TMEM108: variants seen among roughly 807,000 people sequenced by gnomAD.
TMEM108 encodes the protein cancer/testis antigen 124.
TMEM108 carries 12 observed loss-of-function variants against 35.1 expected under a neutral mutation model. That is an observed-to-expected ratio of 0.34 (90% confidence interval 0.22 to 0.55). The LOEUF is 0.55. Ranked by LOEUF, TMEM108 falls within the 20% of genes least tolerant of loss-of-function variation. The pLI is 0.89. For synonymous variants in TMEM108, 287 were observed against 308.6 expected, an observed-to-expected ratio of 0.93 and a Z score of 0.73; for missense variants, 680 against 753.3, an observed-to-expected ratio of 0.90 and a Z score of 1.14.
chr3:133,292,287 G>A (rs1947081274), intron 3 of TMEM108, among the ~76,000 whole-genome samples: 2 of 152,212 alleles, frequency 1.3e-5, no homozygotes, highest in South Asian at 4.1e-4. Context: ...GACAGAAGTT[G>A]TTTTATAAAT....
intron 3 of TMEM108, among the ~76,000 whole-genome samples, chr3:133,293,272 A>T (rs1947098351): frequency 6.6e-6 from 1 of 151,884 alleles, no homozygotes; most frequent in Non-Finnish European, 1.5e-5. Flanking sequence ...TTGAATTCTC[A>T]TCAAATTTAG....
intron 3 of TMEM108, among the ~76,000 whole-genome samples, chr3:133,344,592 G>T (rs1264918227): frequency 6.6e-6 from 1 of 151,548 alleles, no homozygotes; most frequent in Non-Finnish European, 1.5e-5. Context: ...ATTTAAAGAA[G>T]ATATGAAGAG....
At chr3:133,062,161 C>A (rs1446137077) in intron 2 of TMEM108, among the ~76,000 whole-genome samples, 1 of 152,176 alleles carries the variant, frequency 6.6e-6, no homozygotes, top group East Asian at 1.9e-4. Context: ...AATGCTTAGT[C>A]ATTCCTTCAT....
chr3:133,351,249 C>T (rs2107770107), intron 3 of TMEM108, among the ~76,000 whole-genome samples: 1 of 152,270 alleles, frequency 6.6e-6, no homozygotes, highest in East Asian at 1.9e-4. Context: ...TCCTGTGAGA[C>T]CTCAAATTTA....
chr3:133,204,968 T>C (rs1945729999), intron 2 of TMEM108, among the ~76,000 whole-genome samples: 2 of 152,240 alleles, frequency 1.3e-5, no homozygotes, highest in Admixed American at 6.5e-5. Flanking sequence ...GAACTTACTT[T>C]ATGAATCTGG....
intron 2 of TMEM108, among the ~76,000 whole-genome samples, chr3:133,099,147 T>A (rs1010662395): frequency 2.0e-5 from 3 of 152,348 alleles, no homozygotes; most frequent in Admixed American, 6.5e-5. Flanking sequence ...CCTTAATTCT[T>A]GACTTCAGTG....
chr3:133,389,363 T>C (rs892027418), intron 4 of TMEM108: 43 of 985,494 alleles, frequency 4.4e-5, no homozygotes, highest in Non-Finnish European at 5.2e-5. Flanking sequence ...TTTGCATCAA[T>C]CTAAGGCAGG....
intron 3 of TMEM108, among the ~76,000 whole-genome samples, chr3:133,372,940 G>C (rs1411500728): frequency 6.6e-6 from 1 of 152,204 alleles, no homozygotes; most frequent in African/African-American, 2.4e-5. Flanking sequence ...CCTGAAGTCA[G>C]TGATACATAT....
At chr3:133,071,986 G>T (rs57803420) in intron 2 of TMEM108, among the ~76,000 whole-genome samples, 10,813 of 152,204 alleles carry the variant, frequency 0.071, 1,318 homozygotes, top group African/African-American at 0.24. Context: ...ATTTTGAGTT[G>T]ATTTCTGGTA....
intron 3 of TMEM108, among the ~76,000 whole-genome samples, chr3:133,360,007 T>A (rs1393883517): frequency 5.4e-4 from 61 of 112,834 alleles, no homozygotes; most frequent in African/African-American, 7.4e-4. Flanking sequence ...ACTCAACAGT[T>A]AAAAAAAAAA....
At chr3:133,208,162 A>G (rs1475059044) in intron 2 of TMEM108, among the ~76,000 whole-genome samples, 1 of 152,178 alleles carries the variant, frequency 6.6e-6, no homozygotes, top group Admixed American at 6.5e-5. Context: ...TGAAGCACAG[A>G]TTACTGGGCC....
At chr3:133,077,072 T>C (rs1350572901) in intron 2 of TMEM108, among the ~76,000 whole-genome samples, 1 of 152,186 alleles carries the variant, frequency 6.6e-6, no homozygotes, top group East Asian at 1.9e-4. Context: ...GACAAGGACT[T>C]GGGAGGGCAA....
chr3:133,373,306 G>A (rs1248610675), intron 3 of TMEM108, among the ~76,000 whole-genome samples: 3 of 146,152 alleles, frequency 2.1e-5, no homozygotes, highest in Admixed American at 6.9e-5. Flanking sequence ...CTGTGATCAC[G>A]CCACTGCACT....
At chr3:133,047,550 T>A (rs1241357303) in intron 2 of TMEM108, among the ~76,000 whole-genome samples, 1 of 152,092 alleles carries the variant, frequency 6.6e-6, no homozygotes, top group Non-Finnish European at 1.5e-5. Context: ...TTGTGTGGAG[T>A]GTCCTGTGCA....
At chr3:133,094,672 A>G (rs536632359) in intron 2 of TMEM108, among the ~76,000 whole-genome samples, 1 of 152,318 alleles carries the variant, frequency 6.6e-6, no homozygotes, top group South Asian at 2.1e-4. Context: ...GATAGTTAGC[A>G]GTTTCTCAGC....
At chr3:133,108,432 T>A (rs1225743560) in intron 2 of TMEM108, among the ~76,000 whole-genome samples, 3 of 152,204 alleles carry the variant, frequency 2.0e-5, no homozygotes, top group Admixed American at 6.5e-5. Context: ...GAGAAGTGTC[T>A]GTTCATATCA....
At chr3:133,066,202 T>G (rs867202561) in intron 2 of TMEM108, among the ~76,000 whole-genome samples, 1 of 152,146 alleles carries the variant, frequency 6.6e-6, no homozygotes, top group Non-Finnish European at 1.5e-5. Context: ...ATTGGTGTTA[T>G]GCTGGGATAA....
intron 3 of TMEM108, among the ~76,000 whole-genome samples, chr3:133,340,870 T>C (rs112305271): frequency 1.5e-4 from 23 of 151,884 alleles, no homozygotes; most frequent in African/African-American, 5.5e-4. Context: ...TTAACATTCA[T>C]GATAAAAACC....
At chr3:133,387,761 C>A in intron 4 of TMEM108, 1 of 876,506 alleles carries the variant, frequency 1.1e-6, no homozygotes, top group Non-Finnish European at 1.4e-6. Flanking sequence ...AGGAAGCTGA[C>A]GCTGAGAGAG....
Sources: gnomAD v4.1 joint callset for allele counts (sites outside exome capture counted in the v4.1 genomes callset) on GRCh38, gnomAD v4.1.1 for gene constraint, MANE v1.5 for transcripts, NCBI Gene and HGNC (gene_info 2026-07-23, HGNC 2026-07-21) for gene names.